The following OLFM3 variants were observed in gnomAD, a reference collection of about 807,000 sequenced individuals.
OLFM3 encodes olfactomedin 3.
Under a neutral mutation model 48.6 loss-of-function variants are expected in OLFM3, and 20 were observed. The observed-to-expected ratio is 0.41, with a 90% CI of 0.29 to 0.60. OLFM3 has a LOEUF of 0.60. OLFM3 is among the 20% of genes least tolerant of loss of function. The pLI is 0.28. For missense variants in OLFM3, 437 were observed against 544.3 expected (o/e 0.80, Z 1.96); for synonymous variants, 222 against 198.1 (o/e 1.12, Z -1.01).
chr1:101,966,817 A>G (rs564565216), intron 1 of OLFM3, among the ~76,000 whole-genome samples: 1 of 152,280 alleles, frequency 6.6e-6, no homozygotes, highest in Admixed American at 6.5e-5. Context: ...GTCTATGTGT[A>G]TTTAAAATAC....
At chr1:101,966,317 T>TTTTGTGTGTGTGTG (rs371512942) in intron 1 of OLFM3, among the ~76,000 whole-genome samples, 9,142 of 127,596 alleles carry the variant, frequency 0.072, 377 homozygotes, top group Non-Finnish European at 0.087. Context: ...CCTGGCTAAT[T>TTTTGTGTGTGTGTG]TGTGTGTGTG....
intron 1 of OLFM3, among the ~76,000 whole-genome samples, chr1:101,920,687 G>C (rs1369143995): frequency 6.6e-6 from 1 of 152,170 alleles, no homozygotes; most frequent in Non-Finnish European, 1.5e-5. Context: ...AAGTGATAGA[G>C]GTATTGGGGT....
chr1:101,822,708 T>C (rs922529903), intron 4 of OLFM3, among the ~76,000 whole-genome samples: 4 of 152,160 alleles, frequency 2.6e-5, no homozygotes, highest in Non-Finnish European at 4.4e-5. Flanking sequence ...TGTTATCTTA[T>C]TTTATGGAGA....
chr1:101,990,621 C>T (rs559177766), intron 1 of OLFM3, among the ~76,000 whole-genome samples: 1 of 152,082 alleles, frequency 6.6e-6, no homozygotes, highest in Non-Finnish European at 1.5e-5. Context: ...TGTTTTTACA[C>T]TGATTTGGAA....
chr1:101,933,611 G>C (rs550886838), intron 1 of OLFM3, among the ~76,000 whole-genome samples: 59 of 152,164 alleles, frequency 3.9e-4, no homozygotes, highest in African/African-American at 1.4e-3. Context: ...AAAATGCAGA[G>C]AACCCTTGTG....
intron 1 of OLFM3, among the ~76,000 whole-genome samples, chr1:101,845,946 A>G (rs1390218317): frequency 6.6e-6 from 1 of 152,192 alleles, no homozygotes; most frequent in Non-Finnish European, 1.5e-5. Context: ...ACTTTTTCTG[A>G]TCCACTGGAG....
intron 1 of OLFM3, among the ~76,000 whole-genome samples, chr1:101,862,522 A>G (rs1009849099): frequency 6.6e-6 from 1 of 152,208 alleles, no homozygotes; most frequent in Admixed American, 6.5e-5. Flanking sequence ...ACTTAAAATG[A>G]CTAAACTTTA....
intron 1 of OLFM3, among the ~76,000 whole-genome samples, chr1:101,895,970 G>GTAA (rs71720190): frequency 0.055 from 8,026 of 144,994 alleles, 320 homozygotes; most frequent in East Asian, 0.15. Context: ...TAAAACATAG[G>GTAA]TAATAATAAT....
intron 4 of OLFM3, among the ~76,000 whole-genome samples, chr1:101,809,908 C>T (rs1653966557): frequency 6.6e-6 from 1 of 151,928 alleles, no homozygotes; most frequent in Non-Finnish European, 1.5e-5. Context: ...ATAATGTAAA[C>T]ACTCATGTCT....
Position 101,996,772 on chromosome 1 carries a change from CAAAG to C in OLFM3, c.41_44del (p.Ser14CysfsTer5), listed in dbSNP as rs1171697531. 3.1e-6 allele frequency: 5 copies of C among 1,614,246 alleles called. No individual in the cohort carries two copies. The highest frequency in any genetic ancestry group is 2.7e-5 in the African/African-American group (2 of 75,076). On this transcript the variant is annotated frameshift_variant, in exon 1 of 6. Coordinates refer to ENST00000370103, the MANE Select transcript of OLFM3 (RefSeq NM_058170.4). LOFTEE classifies it high-confidence loss of function. The stretch of plus-strand genomic sequence containing the variant: ...CCTTGGAAGGATCTAATCCGGCAAA[CAAAG>C]ACAGCAGCAGGAGGTTGAGAAGGTT...
intron 4 of OLFM3, among the ~76,000 whole-genome samples, chr1:101,823,227 A>C (rs1419175711): frequency 6.6e-6 from 1 of 152,094 alleles, no homozygotes; most frequent in Non-Finnish European, 1.5e-5. Context: ...TATGCTACAC[A>C]TGCAATGATA....
At position 101,867,985 on chromosome 1, in the gene OLFM3, C is replaced by G. The variant is rs149213982; in HGVS notation, c.70-30960G>C. 1.2e-4 allele frequency among the ~76,000 whole-genome samples: 18 copies of G among 152,300 alleles called. No individual in the cohort carries two copies. The East Asian group carries it at 3.1e-3, about 26-fold the overall frequency. On this transcript the variant is annotated intron_variant, in intron 1 of 5. Coordinates refer to ENST00000370103, the MANE Select transcript of OLFM3 (RefSeq NM_058170.4). ...ATTTGCCCAGCTCTCATTCTTCTCT[C>G]TCCTGACACCTTGTGAAGAAGGATG...
At chr1:101,812,045 T>C (rs1386633768) in intron 4 of OLFM3, among the ~76,000 whole-genome samples, 1 of 152,124 alleles carries the variant, frequency 6.6e-6, no homozygotes, top group Non-Finnish European at 1.5e-5. Flanking sequence ...GGGACATGGA[T>C]GAAGCTGGAA....
chr1:101,987,330 C>G lies in OLFM3; in HGVS notation c.69+9418G>C, dbSNP rs918874955. Among the ~76,000 whole-genome samples the G allele has an allele frequency of 2.0e-5, 3 of 152,226 alleles. No individual in the cohort carries two copies. The South Asian group carries it at 6.2e-4, about 32-fold the overall frequency. Reference sequence around the variant, plus strand: ...AGTCCTTGAGTACTTTAAGATCAATCAAATGAAAGTCATTTTATTCTCTGT... The same window carrying G: ...AGTCCTTGAGTACTTTAAGATCAATGAAATGAAAGTCATTTTATTCTCTGT... On this transcript the variant is annotated intron_variant, in intron 1 of 5. Transcript: ENST00000370103.
chr1:101,837,521 A>G (rs1278370552), intron 1 of OLFM3: 1 of 152,230 alleles, frequency 6.6e-6, no homozygotes, highest in African/African-American at 2.4e-5. Context: ...AGTGGAAAAG[A>G]GATCATTGAC....
intron 1 of OLFM3, among the ~76,000 whole-genome samples, chr1:101,945,669 T>C (rs1439955773): frequency 6.6e-6 from 1 of 152,088 alleles, no homozygotes; most frequent in East Asian, 1.9e-4. Context: ...AAAAATCTGC[T>C]GGGCACAGTG....
At chr1:101,929,100 AT>A (rs1422245427) in intron 1 of OLFM3, among the ~76,000 whole-genome samples, 1 of 152,144 alleles carries the variant, frequency 6.6e-6, no homozygotes, top group African/African-American at 2.4e-5. Context: ...GCTATGATAA[AT>A]GGGACTGAAC....
chr1:101,901,584 G>A (rs767793825), intron 1 of OLFM3, among the ~76,000 whole-genome samples: 2 of 152,040 alleles, frequency 1.3e-5, no homozygotes, highest in African/African-American at 4.8e-5. Context: ...ATTAGATGCA[G>A]AAATACCAAC....
chr1:101,950,440 TTTC>T (rs1462230814), intron 1 of OLFM3, among the ~76,000 whole-genome samples: 1 of 99,978 alleles, frequency 1.0e-5, no homozygotes, highest in African/African-American at 3.6e-5. Flanking sequence ...ATCTGCTTTC[TTTC>T]TTTTTTTTTT....
Sources: gnomAD v4.1 joint callset for allele counts (sites outside exome capture counted in the v4.1 genomes callset) on GRCh38, gnomAD v4.1.1 for gene constraint, MANE v1.5 for transcripts, NCBI Gene and HGNC (gene_info 2026-07-23, HGNC 2026-07-21) for gene names.